Variants in WWOX observed in about 807,000 individuals in gnomAD.
WWOX encodes the protein WW domain containing oxidoreductase, also known as WW domain-containing oxidoreductase.
Under a neutral mutation model 46.2 loss-of-function variants are expected in WWOX, and 69 were observed. The ratio of observed to expected loss-of-function variants is 1.49; its 90% CI spans 1.23 to 1.82. The LOEUF (loss-of-function observed/expected upper bound fraction) is 1.82, where lower values mean the gene tolerates loss of function less well. WWOX is among the 40% of genes most tolerant of loss of function. WWOX has a pLI of 0.00. For synonymous variants in WWOX, 359 were observed against 202.6 expected (o/e 1.77, Z -6.56); for missense variants, 919 against 542.6 (o/e 1.69, Z -6.89).
chr16:78,645,684 T>C (rs1412694402), intron 8 of WWOX, among the ~76,000 whole-genome samples: 2 of 152,056 alleles, frequency 1.3e-5, no homozygotes, highest in Admixed American at 6.6e-5. Context: ...AGAACATTAA[T>C]CTAGCCATGA....
chr16:78,817,043 G>C (rs984616889), intron 8 of WWOX, among the ~76,000 whole-genome samples: 2 of 152,060 alleles, frequency 1.3e-5, no homozygotes, highest in Non-Finnish European at 2.9e-5. Context: ...CCCACAGTCT[G>C]AAGTACGTTT....
chr16:78,845,326 C>T (rs908606974), intron 8 of WWOX, among the ~76,000 whole-genome samples: 1 of 152,090 alleles, frequency 6.6e-6, no homozygotes, highest in Non-Finnish European at 1.5e-5. Context: ...CCAGCCTTTC[C>T]TCCTATCTGT....
At chr16:78,537,672 G>T (rs541719088) in intron 8 of WWOX, among the ~76,000 whole-genome samples, 1 of 152,138 alleles carries the variant, frequency 6.6e-6, no homozygotes, top group African/African-American at 2.4e-5. Context: ...CTGTCTCGGG[G>T]GCTGGAGTTA....
intron 8 of WWOX, among the ~76,000 whole-genome samples, chr16:78,544,136 G>T (rs2043965322): frequency 6.6e-6 from 1 of 152,122 alleles, no homozygotes; most frequent in African/African-American, 2.4e-5. Context: ...TATTGGCCAA[G>T]ATCTAGCATA....
intron 8 of WWOX, among the ~76,000 whole-genome samples, chr16:78,804,517 G>A (rs2050977095): frequency 1.3e-5 from 2 of 152,214 alleles, no homozygotes; most frequent in South Asian, 4.1e-4. Context: ...AAGCGCATAT[G>A]TTCTGCGTGT....
In WWOX at chr16:79,026,251, T is replaced by C. The variant is rs186208972; in HGVS notation, c.1057-185357T>C. ...GTTGACACTTCCCTTCTCTGTGCTT[T>C]AGTCACCCTACCCTCGGTCAACTCC... is the stretch of plus-strand genomic sequence containing the variant. On this transcript the variant is annotated intron_variant, in intron 8 of 8. Coordinates refer to ENST00000566780, the MANE Select transcript of WWOX (RefSeq NM_016373.4). Among the ~76,000 whole-genome samples, 17 of 151,892 alleles carry C rather than the reference T, an allele frequency of 1.1e-4. No homozygotes were observed. The East Asian group carries it at 2.5e-3, about 22-fold the overall frequency.
intron 5 of WWOX, among the ~76,000 whole-genome samples, chr16:78,220,892 T>G (rs1034558560): frequency 3.3e-5 from 5 of 152,222 alleles, no homozygotes; most frequent in African/African-American, 1.2e-4. Flanking sequence ...GGACTCATTC[T>G]AAAATCAGGA....
At chr16:78,352,193 A>G (rs1223181377) in intron 5 of WWOX, among the ~76,000 whole-genome samples, 1 of 152,222 alleles carries the variant, frequency 6.6e-6, no homozygotes, top group African/African-American at 2.4e-5. Flanking sequence ...TTTTCACAGG[A>G]GCCAGAAGTT....
At chr16:79,121,385 G>C (rs1410621619) in intron 8 of WWOX, among the ~76,000 whole-genome samples, 2 of 152,214 alleles carry the variant, frequency 1.3e-5, no homozygotes, top group Non-Finnish European at 2.9e-5. Context: ...GTTTACAACA[G>C]AATATATAAC....
chr16:78,728,679 C>A (rs1285952589), intron 8 of WWOX, among the ~76,000 whole-genome samples: 2 of 152,214 alleles, frequency 1.3e-5, no homozygotes, highest in Non-Finnish European at 1.5e-5. Flanking sequence ...TGCACTTTGA[C>A]AACCACAGGT....
At chr16:78,719,570 G>T (rs183143434) in intron 8 of WWOX, among the ~76,000 whole-genome samples, 16 of 152,144 alleles carry the variant, frequency 1.1e-4, no homozygotes, top group Admixed American at 9.2e-4. Flanking sequence ...GGACTTTAAG[G>T]TTACCTTAAA....
intron 4 of WWOX, among the ~76,000 whole-genome samples, chr16:78,145,351 C>T (rs80167942): frequency 0.065 from 9,863 of 152,186 alleles, 446 homozygotes; most frequent in East Asian, 0.24. Flanking sequence ...ATAGTGTAGC[C>T]TTCAGGCTGT....
intron 8 of WWOX, among the ~76,000 whole-genome samples, chr16:78,900,019 T>C (rs1445466696): frequency 2.0e-5 from 3 of 151,294 alleles, no homozygotes; most frequent in Admixed American, 1.3e-4. Context: ...CTCCTTGGGC[T>C]ACCAAAACGG....
At chr16:78,892,695 C>G (rs529741079) in intron 8 of WWOX, among the ~76,000 whole-genome samples, 1 of 152,324 alleles carries the variant, frequency 6.6e-6, no homozygotes, top group East Asian at 1.9e-4. Context: ...GATCCATTGT[C>G]TTTTGGGCAG....
intron 8 of WWOX, among the ~76,000 whole-genome samples, chr16:78,717,484 A>T (rs1262978265): frequency 6.6e-6 from 1 of 152,206 alleles, no homozygotes; most frequent in Non-Finnish European, 1.5e-5. Context: ...GTAGGTGGTC[A>T]ACAAATGTGT....
intron 4 of WWOX, among the ~76,000 whole-genome samples, chr16:78,159,529 G>A (rs988953930): frequency 2.6e-5 from 4 of 152,126 alleles, no homozygotes; most frequent in Admixed American, 2.6e-4. Context: ...CTTAAGAGGT[G>A]TGAGGTGACA....
At chr16:79,175,174 A>C (rs968579892) in intron 8 of WWOX, among the ~76,000 whole-genome samples, 3 of 152,184 alleles carry the variant, frequency 2.0e-5, no homozygotes, top group East Asian at 1.9e-4. Flanking sequence ...TAATGGCGCT[A>C]ATTTTTAATA....
intron 5 of WWOX, among the ~76,000 whole-genome samples, chr16:78,260,139 TC>T (rs1352594719): frequency 1.5e-4 from 22 of 151,330 alleles, no homozygotes; most frequent in Non-Finnish European, 2.9e-4. Context: ...CAGGCAGCCA[TC>T]CTTGCTGTGC....
At chr16:78,638,747 C>G (rs1027617281) in intron 8 of WWOX, among the ~76,000 whole-genome samples, 4 of 152,070 alleles carry the variant, frequency 2.6e-5, no homozygotes, top group Non-Finnish European at 4.4e-5. Context: ...TCAGGGTGCT[C>G]TCTCTCTCTG....
Sources: gnomAD v4.1 joint callset for allele counts (sites outside exome capture counted in the v4.1 genomes callset) on GRCh38, gnomAD v4.1.1 for gene constraint, MANE v1.5 for transcripts, NCBI Gene and HGNC (gene_info 2026-07-23, HGNC 2026-07-21) for gene names.